ATG7: variants seen among roughly 807,000 people sequenced by gnomAD.
ATG7 encodes ubiquitin-like modifier-activating enzyme ATG7.
In ATG7, 70 loss-of-function variants were observed where a neutral mutation model predicts 82.4. The observed-to-expected ratio is 0.85, with a 90% confidence interval of 0.70 to 1.04. ATG7 has a LOEUF of 1.04. ATG7 is among the 50% of genes least tolerant of loss of function. The probability of loss-of-function intolerance (pLI) is 0.00; values close to 1 mark genes in which losing one functional copy is unlikely to be tolerated. For missense variants in ATG7, 792 were observed against 864.3 expected, an observed-to-expected ratio of 0.92 and a Z score of 1.05; for synonymous variants, 287 against 313.0, an observed-to-expected ratio of 0.92 and a Z score of 0.88.
At chr3:11,516,909 C>T (rs575946866) in intron 20 of ATG7, among the ~76,000 whole-genome samples, 9 of 152,054 alleles carry the variant, frequency 5.9e-5, no homozygotes, top group Non-Finnish European at 1.3e-4. Flanking sequence ...ATGATGAAAC[C>T]CCGTCTGTAC....
At chr3:11,388,402 GT>G (rs930275415) in intron 19 of ATG7, among the ~76,000 whole-genome samples, 2 of 151,516 alleles carry the variant, frequency 1.3e-5, no homozygotes, top group Admixed American at 6.6e-5. Flanking sequence ...ATGGGCAAAG[GT>G]CCCCAACTAG....
At chr3:11,436,537 A>G (rs1326379364) in intron 20 of ATG7, among the ~76,000 whole-genome samples, 2 of 152,152 alleles carry the variant, frequency 1.3e-5, no homozygotes, top group African/African-American at 4.8e-5. Flanking sequence ...CAGTACCAAA[A>G]ATTGTATATG....
chr3:11,492,587 A>G (rs1013200735), intron 20 of ATG7, among the ~76,000 whole-genome samples: 2 of 152,248 alleles, frequency 1.3e-5, no homozygotes, highest in Non-Finnish European at 2.9e-5. Flanking sequence ...GGGAGGGAGC[A>G]CGTGAATGAA....
At chr3:11,326,578 G>C (rs1331884944) in intron 9 of ATG7, among the ~76,000 whole-genome samples, 1 of 152,194 alleles carries the variant, frequency 6.6e-6, no homozygotes, top group Admixed American at 6.5e-5. Flanking sequence ...GATTACAGGC[G>C]TGAGCCACTG....
At chr3:11,496,687 C>G (rs1001650627) in intron 20 of ATG7, among the ~76,000 whole-genome samples, 1 of 152,082 alleles carries the variant, frequency 6.6e-6, no homozygotes, top group Non-Finnish European at 1.5e-5. Context: ...CTCATTTGAT[C>G]TTGTTGTACC....
chr3:11,380,159 G>A, intron 19 of ATG7, 107 bp downstream of exon 19: 2 of 1,021,260 alleles, frequency 2.0e-6, no homozygotes, highest in Non-Finnish European at 3.1e-6. Context: ...GGCTTTTTGT[G>A]GGGGAAGGGT....
intron 20 of ATG7, among the ~76,000 whole-genome samples, chr3:11,440,673 G>GTTTTT (rs2083836620): frequency 6.1e-5 from 2 of 32,708 alleles, no homozygotes; most frequent in African/African-American, 2.3e-4. Flanking sequence ...GTCCCCATTT[G>GTTTTT]CTTTTTTTTT....
intron 5 of ATG7, among the ~76,000 whole-genome samples, chr3:11,303,796 C>T (rs865987956): frequency 9.2e-5 from 14 of 151,536 alleles, no homozygotes; most frequent in African/African-American, 1.5e-4. Flanking sequence ...TCTTTTCGGC[C>T]GGGCGCGGTG....
At chr3:11,315,030 T>C (rs986813640) in intron 8 of ATG7, among the ~76,000 whole-genome samples, 1 of 152,154 alleles carries the variant, frequency 6.6e-6, no homozygotes, top group Non-Finnish European at 1.5e-5. Flanking sequence ...TAGATTCATG[T>C]TGGGTTATCA....
chr3:11,519,709 G>A (rs1025912877), intron 20 of ATG7, among the ~76,000 whole-genome samples: 1 of 151,550 alleles, frequency 6.6e-6, no homozygotes, highest in Non-Finnish European at 1.5e-5. Context: ...ACAGGCGCCC[G>A]TCACCGCGCC....
chr3:11,347,779 C>T, intron 13 of ATG7, 98 bp from the exon 14 acceptor site: 2 of 1,328,444 alleles, frequency 1.5e-6, no homozygotes, highest in Non-Finnish European at 2.0e-6. Flanking sequence ...TTGAGGTTCC[C>T]AAGCTTCTCC....
At chr3:11,510,420 A>G in intron 20 of ATG7, 1 of 382,850 alleles carries the variant, frequency 2.6e-6, no homozygotes, top group Non-Finnish European at 5.2e-6. Context: ...CTACTGAACC[A>G]AAGGGCCTCA....
chr3:11,306,641 T>C (rs746894257), intron 5 of ATG7, among the ~76,000 whole-genome samples: 2 of 152,172 alleles, frequency 1.3e-5, no homozygotes, highest in Non-Finnish European at 2.9e-5. Context: ...ACAAACAATA[T>C]TTCCCTCAGG....
intron 20 of ATG7, chr3:11,510,244 C>T: frequency 2.2e-6 from 1 of 456,746 alleles, no homozygotes; most frequent in South Asian, 1.5e-5. Flanking sequence ...AGGCCACCTG[C>T]ACTCAGGAGT....
At chr3:11,471,499 T>C (rs1164566147) in intron 20 of ATG7, among the ~76,000 whole-genome samples, 2 of 152,198 alleles carry the variant, frequency 1.3e-5, no homozygotes, top group Admixed American at 1.3e-4. Flanking sequence ...AAAAAATTTT[T>C]ACTGTCTCCA....
At chr3:11,457,195 C>T (rs1001119265) in intron 20 of ATG7, among the ~76,000 whole-genome samples, 2 of 152,172 alleles carry the variant, frequency 1.3e-5, no homozygotes, top group African/African-American at 2.4e-5. Flanking sequence ...AAAATGGAGT[C>T]TAGCAGCTGT....
downstream of ATG7, chr3:11,558,521 T>C (rs2072646559): frequency 1.5e-6 from 2 of 1,350,774 alleles, no homozygotes; most frequent in African/African-American, 1.6e-5. Flanking sequence ...AGGCAAACCA[T>C]GCAGATCCAC....
intron 20 of ATG7, among the ~76,000 whole-genome samples, chr3:11,524,744 G>A (rs1201005703): frequency 1.3e-5 from 2 of 152,092 alleles, no homozygotes; most frequent in Non-Finnish European, 2.9e-5. Context: ...TTATGATCAT[G>A]CCACTGTGCT....
intron 20 of ATG7, among the ~76,000 whole-genome samples, chr3:11,510,747 G>A (rs187077780): frequency 1.3e-5 from 2 of 152,176 alleles, no homozygotes; most frequent in African/African-American, 4.8e-5. Flanking sequence ...TGGCCATACT[G>A]TTCTTGGCAG....
Sources: gnomAD v4.1 joint callset for allele counts (sites outside exome capture counted in the v4.1 genomes callset) on GRCh38, gnomAD v4.1.1 for gene constraint, MANE v1.5 for transcripts, NCBI Gene and HGNC (gene_info 2026-07-23, HGNC 2026-07-21) for gene names.